The following ERICH2 variants were observed in gnomAD, a reference collection of about 807,000 sequenced individuals.
The protein encoded by ERICH2 is glutamate rich 2, also known as glutamate-rich protein 2.
In ERICH2, 17 loss-of-function variants were observed where a neutral mutation model predicts 17.4. That is an observed-to-expected ratio of 0.98 (90% CI 0.67 to 1.47). ERICH2 has a LOEUF of 1.47. ERICH2 is among the 40% of genes most tolerant of loss of function. ERICH2 has a pLI of 0.00. For missense variants in ERICH2, 186 were observed against 183.2 expected, an observed-to-expected ratio of 1.01 and a Z score of -0.09; for synonymous variants, 51 against 61.1, an observed-to-expected ratio of 0.83 and a Z score of 0.77.
intron 3 of ERICH2, 21 bp downstream of exon 8, chr2:170,792,941 T>C: frequency 1.4e-6 from 2 of 1,395,130 alleles, no homozygotes; most frequent in Non-Finnish European, 1.9e-6. Flanking sequence ...AATACTTTCA[T>C]ATTTTCTAAT....
chr2:170,775,448 TAATA>T, the ERICH2 span, among the ~76,000 whole-genome samples: 1 of 151,770 alleles, frequency 6.6e-6, no homozygotes, highest in Non-Finnish European at 1.5e-5. Flanking sequence ...ATAATATTAT[TAATA>T]AATATAAATG....
the ERICH2 span, chr2:170,777,582 AG>A: frequency 8.9e-7 from 1 of 1,129,050 alleles, no homozygotes; most frequent in South Asian, 4.5e-5. Flanking sequence ...TTTGCCATTT[AG>A]AAGTGTATGT....
chr2:170,777,318 A>G, the ERICH2 span: 1 of 642,114 alleles, frequency 1.6e-6, no homozygotes, highest in African/African-American at 1.9e-5. Context: ...TTAGTAAATT[A>G]TTTCAAATAT....
Position 170,792,839 on chromosome 2 carries a change from T to C in ERICH2, c.217-24T>C, listed in dbSNP as rs146034371. 4.6e-5 allele frequency: 66 copies of C among 1,446,220 alleles called. No individual in the cohort carries two copies. The Admixed American group carries it at 1.2e-3, about 27-fold the overall frequency. The allele number at this position is 1,446,220 out of a possible 1,614,324, so 89.6% of individuals were successfully genotyped here. ...AGTTGACAACATTTAAATTCACTTA[T>C]CTGAAGAATTTAATGTTTTCCAGTT... On this transcript the variant is annotated intron_variant, in intron 2 of 4. Coordinates refer to ENST00000409885, the Ensembl canonical transcript of ERICH2.
chr2:170,792,736 C>T (rs961406254), intron 2 of ERICH2, 127 bp from the exon 8 acceptor site: 2 of 601,302 alleles, frequency 3.3e-6, no homozygotes, highest in Non-Finnish European at 2.9e-6. Context: ...TCATTATAGA[C>T]TGACTCCTGG....
intron 2 of ERICH2, among the ~76,000 whole-genome samples, chr2:170,786,735 T>C (rs116733844): frequency 0.015 from 2,253 of 152,246 alleles, 19 homozygotes; most frequent in Middle Eastern, 0.034. Context: ...TCTCTTCAGG[T>C]TTATAATCTT....
chr2:170,798,504 A>G (rs969467785), intron 4 of ERICH2, among the ~76,000 whole-genome samples: 4 of 152,240 alleles, frequency 2.6e-5, no homozygotes, highest in Non-Finnish European at 5.9e-5. Context: ...AAAGAATTCT[A>G]TGAAATCGTT....
Position 170,784,809 on chromosome 2 carries a change from G to C in ERICH2, c.192G>C (p.Gln64His), listed in dbSNP as rs760508280. The stretch of plus-strand genomic sequence containing the variant: ...ATAGTAACCCTAAAAAGAATACTCA[G>C]GCCCCACTAGAGTTAATGGCAGAAG... Residue 64 changes from glutamine to histidine, a missense_variant, in exon 2 of 5, where the codon CAG becomes CAC. Physicochemically the swap from Gln to His is conservative, Grantham distance 24 (BLOSUM62 0). Coordinates refer to ENST00000409885, the Ensembl canonical transcript of ERICH2. 7.3e-5 allele frequency: 110 copies of C among 1,507,510 alleles called. 1 individual carries two copies. In the Admixed American group the frequency reaches 2.6e-3, roughly 35 times the overall value. The allele number at this position is 1,507,510 out of a possible 1,614,324, so 93.4% of individuals were successfully genotyped here. A position where few individuals can be genotyped will look rare whatever the true frequency, so the allele number is the denominator to read the frequency against.
At chr2:170,796,993 C>T (rs529188812) in intron 3 of ERICH2, among the ~76,000 whole-genome samples, 1 of 152,248 alleles carries the variant, frequency 6.6e-6, no homozygotes, top group South Asian at 2.1e-4. Flanking sequence ...TGCTAACATA[C>T]TAACAAGCCT....
At chr2:170,781,589 C>T (rs949556239), upstream of ERICH2, among the ~76,000 whole-genome samples, 5 of 149,678 alleles carry the variant, frequency 3.3e-5, no homozygotes, top group African/African-American at 7.4e-5. Flanking sequence ...GCCGAGATCG[C>T]GTCACAGCAC....
chr2:170,790,757 T>C (rs549064737), intron 2 of ERICH2, among the ~76,000 whole-genome samples: 2 of 151,548 alleles, frequency 1.3e-5, no homozygotes, highest in East Asian at 3.9e-4. Flanking sequence ...TGAGCCGAGA[T>C]TGCACCACTG....
At chr2:170,790,943 A>T (rs1431625873) in intron 2 of ERICH2, among the ~76,000 whole-genome samples, 1 of 152,188 alleles carries the variant, frequency 6.6e-6, no homozygotes, top group Non-Finnish European at 1.5e-5. Context: ...ACAATAAATG[A>T]ACTAAATATT....
chr2:170,778,037 A>C, the ERICH2 span: 70 of 185,834 alleles, frequency 3.8e-4, 1 homozygote, highest in African/African-American at 1.6e-3. Flanking sequence ...TGTACTTTAA[A>C]ATTAACAAAT....
At chr2:170,798,974 C>T (rs898732017), downstream of ERICH2, 4 of 1,460,776 alleles carry the variant, frequency 2.7e-6, no homozygotes, top group African/African-American at 5.7e-5. Flanking sequence ...ACATTTTAGT[C>T]TAATTCTTCC....
chr2:170,795,140 C>T (rs1283293813), intron 3 of ERICH2, among the ~76,000 whole-genome samples: 2 of 151,862 alleles, frequency 1.3e-5, no homozygotes, highest in African/African-American at 2.4e-5. Context: ...CCACCACACC[C>T]ACTAATTTTT....
At chr2:170,779,132 C>T (rs1172097301), upstream of ERICH2, among the ~76,000 whole-genome samples, 1 of 152,162 alleles carries the variant, frequency 6.6e-6, no homozygotes, top group Non-Finnish European at 1.5e-5. Flanking sequence ...TGAAGGTAAA[C>T]AGGGCTAGTT....
chr2:170,796,582 C>G (rs1236375770), intron 3 of ERICH2, among the ~76,000 whole-genome samples: 1 of 151,940 alleles, frequency 6.6e-6, no homozygotes, highest in East Asian at 1.9e-4. Flanking sequence ...ACTACAAGCA[C>G]GTGTTACCAC....
At chr2:170,773,081 G>A in the ERICH2 span, among the ~76,000 whole-genome samples, 19 of 152,204 alleles carry the variant, frequency 1.2e-4, no homozygotes, top group South Asian at 1.0e-3. Flanking sequence ...ACCAACTGGG[G>A]AGGTTCAGAA....
chr2:170,792,018 T>C (rs1288925741), intron 2 of ERICH2, among the ~76,000 whole-genome samples: 2 of 152,236 alleles, frequency 1.3e-5, no homozygotes, highest in East Asian at 3.9e-4. Context: ...GCAAGAACAA[T>C]CATCAAAGTA....
Sources: allele counts gnomAD v4.1 joint callset (sites outside exome capture counted in the v4.1 genomes callset), GRCh38; gene constraint gnomAD v4.1.1; transcripts MANE v1.5; gene names NCBI Gene and HGNC (gene_info 2026-07-23, HGNC 2026-07-21).